Variants in LAMC1 observed in about 807,000 individuals in gnomAD.
The protein encoded by LAMC1 is laminin subunit gamma 1, also known as laminin subunit gamma-1.
A neutral mutation model predicts 173.6 loss-of-function variants in LAMC1; 38 were observed. The ratio of observed to expected loss-of-function variants is 0.22; its 90% CI spans 0.17 to 0.29. The LOEUF is 0.29. Ranked by LOEUF, LAMC1 falls within the 10% of genes least tolerant of loss-of-function variation. The probability of loss-of-function intolerance (pLI) is 1.00; values close to 1 mark genes in which losing one functional copy is unlikely to be tolerated. For missense variants in LAMC1, 1,824 were observed against 2,051.8 expected (o/e 0.89, Z 2.14); for synonymous variants, 746 against 749.1 (o/e 1.00, Z 0.07).
At chr1:183,030,929 A>G (rs1387451920) in intron 1 of LAMC1, among the ~76,000 whole-genome samples, 1 of 152,148 alleles carries the variant, frequency 6.6e-6, no homozygotes, top group Non-Finnish European at 1.5e-5. Flanking sequence ...AGGCTGTAGT[A>G]CACCATAATT....
chr1:183,083,785 G>GT (rs1314712428), intron 1 of LAMC1, among the ~76,000 whole-genome samples: 1 of 151,962 alleles, frequency 6.6e-6, no homozygotes, highest in Non-Finnish European at 1.5e-5. Context: ...TTTTATTCCA[G>GT]TTTTTTTACA....
intron 1 of LAMC1, among the ~76,000 whole-genome samples, chr1:183,028,626 T>TTCC (rs1558025999): frequency 7.2e-5 from 11 of 152,170 alleles, no homozygotes; most frequent in Non-Finnish European, 1.3e-4. Context: ...TTGCAGCTTC[T>TTCC]CTAACGAGTC....
intron 1 of LAMC1, among the ~76,000 whole-genome samples, chr1:183,098,375 CCTT>C (rs1356850762): frequency 3.9e-5 from 6 of 152,168 alleles, no homozygotes; most frequent in Admixed American, 6.5e-5. Flanking sequence ...TCTGTATTTG[CCTT>C]CTTATTTATC....
chr1:183,083,435 G>C (rs200342616), intron 1 of LAMC1, among the ~76,000 whole-genome samples: 1 of 152,084 alleles, frequency 6.6e-6, no homozygotes, highest in Admixed American at 6.6e-5. Context: ...TATACTACCT[G>C]ATGTATGCTG....
rs565633903 is a variant in LAMC1, at chr1:183,073,126, A to T, written c.419-30202A>T. ...AGAGTCAGCTGGACATCATTGTAAC[A>T]TCATTGCTTGGTGTTTTAGTAGCAT... On this transcript the variant is annotated intron_variant, in intron 1 of 27. Coordinates refer to ENST00000258341, the MANE Select transcript of LAMC1 (RefSeq NM_002293.4). Among the ~76,000 whole-genome samples the T allele has an allele frequency of 4.6e-5, 7 of 152,340 alleles. No individual in the cohort carries two copies. In the South Asian group the frequency reaches 1.2e-3, roughly 27 times the overall value.
intron 1 of LAMC1, among the ~76,000 whole-genome samples, chr1:183,086,640 G>T (rs1480532915): frequency 6.6e-6 from 1 of 152,108 alleles, no homozygotes; most frequent in Non-Finnish European, 1.5e-5. Context: ...AAAATTGTAA[G>T]CCTTTAAAAT....
intron 1 of LAMC1, among the ~76,000 whole-genome samples, chr1:183,085,283 C>G (rs1308463969): frequency 6.6e-6 from 1 of 151,616 alleles, no homozygotes; most frequent in East Asian, 1.9e-4. Context: ...TGTACCTTTC[C>G]TAAGGCTTAG....
intron 1 of LAMC1, among the ~76,000 whole-genome samples, chr1:183,074,335 T>C (rs1655077454): frequency 6.6e-6 from 1 of 152,196 alleles, no homozygotes; most frequent in South Asian, 2.1e-4. Flanking sequence ...AAGAGTGACA[T>C]GTGCATGTGT....
rs1656889838 is a variant in LAMC1, at chr1:183,134,727, A to G, written c.3917A>G (p.Asp1306Gly). Residue 1306 changes from aspartate (D) to glycine (G), a missense_variant, in exon 23 of 28, where the codon GAT (aspartate) becomes GGT (glycine). Asp to Gly is a moderately conservative substitution (Grantham distance 94). Coordinates refer to ENST00000258341, the MANE Select transcript of LAMC1 (RefSeq NM_002293.4). ...LEQLIDQKLK[D>G]YEDLREDMRG... is the part of the protein sequence containing the mutation. Reference sequence around the variant, plus strand: ...CAACTGATTGACCAGAAATTAAAAGATTATGAGGACCTCAGAGAAGATATG... The same window carrying G: ...CAACTGATTGACCAGAAATTAAAAGGTTATGAGGACCTCAGAGAAGATATG... The G allele has an allele frequency of 1.2e-6, 2 of 1,613,476 alleles. No homozygotes were observed. Among genetic ancestry groups the G allele is most frequent in the Middle Eastern group, 3.3e-4 (2 of 6,058 alleles).
intron 1 of LAMC1, among the ~76,000 whole-genome samples, chr1:183,036,006 C>T (rs1283374935): frequency 1.3e-5 from 2 of 152,148 alleles, no homozygotes; most frequent in East Asian, 1.9e-4. Context: ...ATGATTCTCA[C>T]CTTTCCCAAT....
rs369910253 is a variant in LAMC1 at position 183,103,376 on chromosome 1, G to T, written c.467G>T (p.Arg156Leu). 1 of 1,614,122 alleles carries T rather than the reference G, an allele frequency of 6.2e-7. No individual in the cohort carries two copies. Among genetic ancestry groups the T allele is most frequent in the Non-Finnish European group, 8.5e-7 (1 of 1,180,036 alleles). The change falls in exon 2 of 28, where the codon CGC (arginine) becomes CTC (leucine). Residue 156 changes from arginine to leucine, a missense_variant. Physicochemically the swap from Arg to Leu is moderately radical, Grantham distance 102 (BLOSUM62 -2). Transcript: ENST00000258341. Reference protein sequence around the residue: ...TYVRLKFHTSRPESFAIYKRT... With the variant: ...TYVRLKFHTSLPESFAIYKRT... ...GTGCGTCTCAAGTTCCACACCAGCC[G>T]CCCGGAGAGCTTTGCCATTTACAAG... is the stretch of plus-strand genomic sequence containing the variant.
At chr1:183,094,062 A>G (rs1275170985) in intron 1 of LAMC1, among the ~76,000 whole-genome samples, 1 of 152,180 alleles carries the variant, frequency 6.6e-6, no homozygotes, top group Non-Finnish European at 1.5e-5. Flanking sequence ...AGTGATCTAC[A>G]GAGCCCTCCA....
chr1:183,036,528 A>T (rs1653988609), intron 1 of LAMC1, among the ~76,000 whole-genome samples: 1 of 144,778 alleles, frequency 6.9e-6, no homozygotes, highest in African/African-American at 2.6e-5. Flanking sequence ...TCAGCCTCCC[A>T]AGTAGCTGCG....
intron 1 of LAMC1, among the ~76,000 whole-genome samples, chr1:183,067,396 T>C (rs948599449): frequency 2.0e-5 from 3 of 152,232 alleles, no homozygotes; most frequent in Non-Finnish European, 4.4e-5. Context: ...GCAAATTGTA[T>C]TTTTTGCATT....
chr1:183,040,078 C>T (rs1350788528), intron 1 of LAMC1, among the ~76,000 whole-genome samples: 1 of 152,164 alleles, frequency 6.6e-6, no homozygotes, highest in Non-Finnish European at 1.5e-5. Context: ...TTCTTCACAT[C>T]TCTAGTGGTT....
intron 13 of LAMC1, 40 bp from the exon 14 acceptor site, chr1:183,124,591 A>G: frequency 1.2e-6 from 2 of 1,610,222 alleles, no homozygotes; most frequent in Non-Finnish European, 1.7e-6. Flanking sequence ...AAAAATGTCT[A>G]AGGCCTTTCT....
chr1:183,036,245 C>G (rs1168272020), intron 1 of LAMC1, among the ~76,000 whole-genome samples: 6 of 150,110 alleles, frequency 4.0e-5, no homozygotes, highest in African/African-American at 1.5e-4. Flanking sequence ...ATTACAGGCA[C>G]TTGCCACTGT....
chr1:183,114,437 C>G (rs1269798979), intron 4 of LAMC1, 94 bp from the exon 5 acceptor site: 1 of 1,232,500 alleles, frequency 8.1e-7, no homozygotes, highest in African/African-American at 1.5e-5. Context: ...CTGTCTGTCT[C>G]AGAGATGTGG....
At chr1:183,115,453 T>G in intron 5 of LAMC1, 67 bp from the exon 6 acceptor site, 1 of 991,056 alleles carries the variant, frequency 1.0e-6, no homozygotes, top group East Asian at 2.4e-5. Context: ...TATCTTTCTT[T>G]AACACATTGA....
Sources: allele counts gnomAD v4.1 joint callset (sites outside exome capture counted in the v4.1 genomes callset), GRCh38; gene constraint gnomAD v4.1.1; transcripts MANE v1.5; gene names NCBI Gene and HGNC (gene_info 2026-07-23, HGNC 2026-07-21).